FHIT: variants seen among roughly 807,000 people sequenced by gnomAD.
FHIT encodes the protein bis(5'-adenosyl)-triphosphatase.
A neutral mutation model predicts 17.9 loss-of-function variants in FHIT; 19 were observed. That is an observed-to-expected ratio of 1.06 (90% CI 0.74 to 1.56). The LOEUF is 1.56. Among genes scored for constraint, FHIT ranks in the 40% most tolerant of loss-of-function variants. FHIT has a pLI of 0.00. For missense variants in FHIT, 248 were observed against 189.2 expected (o/e 1.31, Z -1.82); for synonymous variants, 81 against 69.7 (o/e 1.16, Z -0.81).
intron 5 of FHIT, among the ~76,000 whole-genome samples, chr3:60,275,522 A>ATCAACAGG (rs1559780598): frequency 6.6e-6 from 1 of 152,184 alleles, no homozygotes; most frequent in African/African-American, 2.4e-5. Context: ...GCTTTGCTTG[A>ATCAACAGG]TCAACAGGTT....
intron 4 of FHIT, among the ~76,000 whole-genome samples, chr3:60,689,120 A>G (rs1312078118): frequency 1.3e-5 from 2 of 152,154 alleles, no homozygotes; most frequent in Non-Finnish European, 2.9e-5. Flanking sequence ...TAAAAACAGG[A>G]GTTTCCCTGC....
Position 61,012,901 on chromosome 3 carries a change from CAAAT to C in FHIT, c.-111+29142_-111+29145del, listed in dbSNP as rs896036072. 1.0e-3 allele frequency among the ~76,000 whole-genome samples: 152 copies of C among 151,658 alleles called. 1 individual carries two copies. Among genetic ancestry groups the C allele is most frequent in the Non-Finnish European group, 1.6e-3 (111 of 67,876 alleles). On this transcript the variant is annotated intron_variant, in intron 3 of 9. Coordinates refer to ENST00000492590, the MANE Select transcript of FHIT (RefSeq NM_002012.4). ...ATTACATTGATAAAATTCTGTGAGA[CAAAT>C]GAATGAAATATGACTTATAGAGAAA...
At chr3:59,972,870 G>A (rs1184899788) in intron 7 of FHIT, among the ~76,000 whole-genome samples, 1 of 152,054 alleles carries the variant, frequency 6.6e-6, no homozygotes, top group South Asian at 2.1e-4. Context: ...CCTACCTAGT[G>A]CTTTCATCAA....
At chr3:60,607,286 G>A (rs781935181) in intron 4 of FHIT, among the ~76,000 whole-genome samples, 8 of 151,918 alleles carry the variant, frequency 5.3e-5, no homozygotes, top group East Asian at 1.9e-4. Flanking sequence ...TTGAATTGCC[G>A]ATGAGCAGAT....
intron 3 of FHIT, among the ~76,000 whole-genome samples, chr3:61,005,410 TGTGATG>T (rs766332154): frequency 4.1e-4 from 62 of 151,870 alleles, no homozygotes; most frequent in Non-Finnish European, 7.9e-4. Context: ...TGATAATGAT[TGTGATG>T]GTGATGGTGA....
intron 5 of FHIT, among the ~76,000 whole-genome samples, chr3:60,455,391 G>A (rs540203134): frequency 2.0e-5 from 3 of 152,168 alleles, no homozygotes; most frequent in African/African-American, 7.2e-5. Context: ...CATTTACAAG[G>A]TGACTGATGA....
At chr3:61,167,778 G>C (rs187021188) in intron 2 of FHIT, among the ~76,000 whole-genome samples, 2 of 152,098 alleles carry the variant, frequency 1.3e-5, no homozygotes, top group African/African-American at 4.8e-5. Flanking sequence ...AAAGAAAACA[G>C]TTATTCAATG....
At position 59,957,301 on chromosome 3, in the gene FHIT, C is replaced by T. The variant is rs186389764; in HGVS notation, c.280-34887G>A. ...CAAAGAGAAACCAGGGGTGTGCATTCGAGAGAAAAGATTGTGTGAAGATAG... is the reference window on the plus strand; with the variant it reads ...CAAAGAGAAACCAGGGGTGTGCATTTGAGAGAAAAGATTGTGTGAAGATAG... On this transcript the variant is annotated intron_variant, in intron 7 of 9. Transcript: ENST00000492590. Among the ~76,000 whole-genome samples the T allele has an allele frequency of 3.9e-5, 6 of 152,240 alleles. No homozygotes were observed. The East Asian group carries it at 5.8e-4, about 15-fold the overall frequency.
chr3:60,627,114 T>G (rs1553681183), intron 4 of FHIT, among the ~76,000 whole-genome samples: 4 of 152,186 alleles, frequency 2.6e-5, no homozygotes. Context: ...TTTTTACATC[T>G]GTATTGATAA....
chr3:60,945,708 T>A (rs1708608658), intron 3 of FHIT, among the ~76,000 whole-genome samples: 1 of 152,106 alleles, frequency 6.6e-6, no homozygotes, highest in African/African-American at 2.4e-5. Context: ...ATGGGGACTG[T>A]GGGGATGGAT....
intron 3 of FHIT, among the ~76,000 whole-genome samples, chr3:61,041,763 C>A (rs1397335251): frequency 6.6e-6 from 1 of 151,296 alleles, no homozygotes; most frequent in Non-Finnish European, 1.5e-5. Context: ...AGCAGTAATT[C>A]TTTTGAGCTA....
At chr3:60,981,272 C>T (rs572240025) in intron 3 of FHIT, among the ~76,000 whole-genome samples, 2 of 149,110 alleles carry the variant, frequency 1.3e-5, no homozygotes, top group Non-Finnish European at 3.0e-5. Flanking sequence ...CAGGCCTTTT[C>T]TCCTTCTCCC....
chr3:60,068,834 A>C (rs1702633403), intron 5 of FHIT, among the ~76,000 whole-genome samples: 1 of 152,246 alleles, frequency 6.6e-6, no homozygotes, highest in Admixed American at 6.5e-5. Context: ...TGTTTTAAAA[A>C]AAATTAGACG....
At chr3:59,987,355 C>G (rs1443475905) in intron 7 of FHIT, among the ~76,000 whole-genome samples, 1 of 151,774 alleles carries the variant, frequency 6.6e-6, no homozygotes, top group African/African-American at 2.4e-5. Context: ...CAAGGATGAT[C>G]TATTAGTTCA....
At chr3:60,573,456 G>C (rs1243013466) in intron 4 of FHIT, among the ~76,000 whole-genome samples, 2 of 151,146 alleles carry the variant, frequency 1.3e-5, no homozygotes, top group East Asian at 1.9e-4. Context: ...ATAGAAAGGA[G>C]AGTCTCAAGT....
intron 2 of FHIT, among the ~76,000 whole-genome samples, chr3:61,172,988 G>T (rs1452113728): frequency 2.0e-5 from 3 of 152,188 alleles, no homozygotes; most frequent in South Asian, 2.1e-4. Context: ...CACCTGCAAT[G>T]AAACAGGGCA....
intron 4 of FHIT, among the ~76,000 whole-genome samples, chr3:60,804,997 C>G (rs1004132736): frequency 6.6e-6 from 1 of 152,192 alleles, no homozygotes. Flanking sequence ...CCACGAGTAA[C>G]TAGCACATAG....
rs988728900 is a variant in FHIT, at chr3:60,105,139, G to T, written c.104-90987C>A. On this transcript the variant is annotated intron_variant, in intron 5 of 9. Transcript: ENST00000492590. ...TTCCCCTGAACCAACCAATGTTGAGGTTATTGTTTGGATACAAAACTCTCC... is the reference window on the plus strand; with the variant it reads ...TTCCCCTGAACCAACCAATGTTGAGTTTATTGTTTGGATACAAAACTCTCC... Among the ~76,000 whole-genome samples the T allele has an allele frequency of 1.7e-4, 26 of 152,174 alleles. 1 individual carries two copies. The highest frequency in any genetic ancestry group is 1.4e-3 in the Admixed American group (22 of 15,288).
intron 2 of FHIT, among the ~76,000 whole-genome samples, chr3:61,104,454 T>C (rs2035932366): frequency 6.6e-6 from 1 of 152,208 alleles, no homozygotes; most frequent in Admixed American, 6.5e-5. Context: ...TCTGATGAAC[T>C]TCCCTTTGTA....
Sources: gnomAD v4.1 joint callset for allele counts (sites outside exome capture counted in the v4.1 genomes callset) on GRCh38, gnomAD v4.1.1 for gene constraint, MANE v1.5 for transcripts, NCBI Gene and HGNC (gene_info 2026-07-23, HGNC 2026-07-21) for gene names.